The following DTNB variants were observed in gnomAD, a reference collection of about 807,000 sequenced individuals.
DTNB encodes the protein DTN-B.
DTNB carries 63 observed loss-of-function variants against 90.7 expected under a neutral mutation model. The observed-to-expected ratio is 0.69, with a 90% confidence interval of 0.57 to 0.86. DTNB has a LOEUF of 0.86. DTNB is among the 40% of genes least tolerant of loss of function. DTNB has a pLI of 0.00. For synonymous variants in DTNB, 277 were observed against 286.7 expected (o/e 0.97, Z 0.34); for missense variants, 744 against 807.1 (o/e 0.92, Z 0.95).
chr2:25,445,312 GT>G (rs2058229353), intron 12 of DTNB, among the ~76,000 whole-genome samples: 3 of 152,120 alleles, frequency 2.0e-5, no homozygotes, highest in African/African-American at 7.2e-5. Flanking sequence ...GCACTTTTCT[GT>G]TTCTTTCTCA....
intron 16 of DTNB, among the ~76,000 whole-genome samples, chr2:25,418,057 G>T (rs937311485): frequency 6.6e-6 from 1 of 152,170 alleles, no homozygotes; most frequent in African/African-American, 2.4e-5. Flanking sequence ...CTTTGCCCAT[G>T]TAAGTGTACC....
At chr2:25,665,006 T>C (rs2084085369) in intron 1 of DTNB, among the ~76,000 whole-genome samples, 1 of 152,198 alleles carries the variant, frequency 6.6e-6, no homozygotes, top group Non-Finnish European at 1.5e-5. Context: ...AGCAAAAAGT[T>C]TGGATCCTTG....
chr2:25,492,139 T>C (rs1215150166), intron 9 of DTNB, among the ~76,000 whole-genome samples: 2 of 152,180 alleles, frequency 1.3e-5, no homozygotes, highest in Admixed American at 6.5e-5. Context: ...GTTGTTTCTA[T>C]AGGAAGATAA....
At chr2:25,390,358 C>A (rs1252632927) in intron 16 of DTNB, among the ~76,000 whole-genome samples, 1 of 152,004 alleles carries the variant, frequency 6.6e-6, no homozygotes, top group Non-Finnish European at 1.5e-5. Flanking sequence ...AGAAAACACC[C>A]AAACCATGAT....
At chr2:25,521,783 G>A (rs771452711) in intron 9 of DTNB, among the ~76,000 whole-genome samples, 5 of 152,174 alleles carry the variant, frequency 3.3e-5, no homozygotes, top group Non-Finnish European at 7.3e-5. Flanking sequence ...AAATGTAAAG[G>A]TCTTGTTAGA....
intron 8 of DTNB, among the ~76,000 whole-genome samples, chr2:25,538,945 T>C (rs1198181090): frequency 6.6e-6 from 1 of 152,220 alleles, no homozygotes; most frequent in Non-Finnish European, 1.5e-5. Context: ...TTGACTTTAT[T>C]ATTTTAGCAA....
At chr2:25,404,338 G>A in intron 16 of DTNB, among the ~76,000 whole-genome samples, 1 of 152,228 alleles carries the variant, frequency 6.6e-6, no homozygotes, top group African/African-American at 2.4e-5. Context: ...AGAGTATCTC[G>A]ACGGGTACAA....
intron 4 of DTNB, among the ~76,000 whole-genome samples, chr2:25,625,544 C>A (rs1298922895): frequency 3.6e-5 from 5 of 138,258 alleles, no homozygotes; most frequent in African/African-American, 1.3e-4. Context: ...CTCTTCTTAA[C>A]TCACTCATTT....
At chr2:25,499,293 A>G (rs1575131139) in intron 9 of DTNB, among the ~76,000 whole-genome samples, 1 of 152,186 alleles carries the variant, frequency 6.6e-6, no homozygotes, top group African/African-American at 2.4e-5. Context: ...CAACTCTGAT[A>G]CTAAGTGGAT....
At chr2:25,399,842 C>T (rs571514237) in intron 16 of DTNB, among the ~76,000 whole-genome samples, 1 of 65,260 alleles carries the variant, frequency 1.5e-5, no homozygotes, top group African/African-American at 1.3e-4. Context: ...CTGTATTTTT[C>T]AGATATAAAA....
In DTNB at chr2:25,531,523, A is replaced by G. The variant is rs1432724054; in HGVS notation, c.951T>C (p.His317=). ...LGCVPTREPP[H]PVFPEQPEKP... ...TCTCTGGTTGCTCAGGAAAAACAGGATGCGGGGGTTCTCTCGTGGGTACAC... is the reference window on the plus strand; with the variant it reads ...TCTCTGGTTGCTCAGGAAAAACAGGGTGCGGGGGTTCTCTCGTGGGTACAC... Residue 317 remains histidine, a synonymous_variant, in exon 9 of 21, where the codon CAT becomes CAC. Transcript: ENST00000406818. 1 of 1,613,848 alleles carries G rather than the reference A, an allele frequency of 6.2e-7. No individual in the cohort carries two copies. Among genetic ancestry groups the G allele is most frequent in the African/African-American group, 1.3e-5 (1 of 74,918 alleles).
chr2:25,531,369 G>C (rs970756941), intron 9 of DTNB, 104 bp downstream of exon 9: 21 of 1,476,362 alleles, frequency 1.4e-5, no homozygotes, highest in Non-Finnish European at 1.9e-5. Flanking sequence ...AAAAACCTGA[G>C]AAGTTGAATG....
At chr2:25,414,620 G>A (rs1380171098) in intron 16 of DTNB, among the ~76,000 whole-genome samples, 1 of 152,062 alleles carries the variant, frequency 6.6e-6, no homozygotes, top group Non-Finnish European at 1.5e-5. Context: ...GGAGTGCCTT[G>A]AGCAAAATCA....
intron 3 of DTNB, among the ~76,000 whole-genome samples, chr2:25,633,268 A>AT (rs2076165695): frequency 6.9e-6 from 1 of 144,946 alleles, no homozygotes; most frequent in South Asian, 2.4e-4. Context: ...TCCCTGCCTG[A>AT]TTCTCCTGCC....
At chr2:25,589,442 G>C (rs2063136430) in intron 6 of DTNB, among the ~76,000 whole-genome samples, 1 of 127,250 alleles carries the variant, frequency 7.9e-6, no homozygotes. Context: ...GTGCTGTGGT[G>C]CCATCTCGGC....
intron 15 of DTNB, among the ~76,000 whole-genome samples, chr2:25,427,195 AC>A (rs2052031116): frequency 6.6e-6 from 1 of 151,118 alleles, no homozygotes; most frequent in Non-Finnish European, 1.5e-5. Flanking sequence ...ACACACACAC[AC>A]ACACACACAC....
intron 5 of DTNB, chr2:25,596,450 A>C (rs2064663634): frequency 2.7e-6 from 1 of 368,306 alleles, no homozygotes; most frequent in Non-Finnish European, 4.7e-6. Flanking sequence ...CACTCACTTA[A>C]TATTCTACTT....
chr2:25,405,379 A>G (rs1385736225), intron 16 of DTNB, among the ~76,000 whole-genome samples: 1 of 152,084 alleles, frequency 6.6e-6, no homozygotes, highest in Non-Finnish European at 1.5e-5. Flanking sequence ...CGTCTCTACT[A>G]AAAATACAAA....
chr2:25,382,490 T>C (rs1001174074), intron 19 of DTNB, among the ~76,000 whole-genome samples: 1 of 150,634 alleles, frequency 6.6e-6, no homozygotes, highest in Non-Finnish European at 1.5e-5. Flanking sequence ...GAGCACGAAG[T>C]TTGGAGTCAG....
Sources: allele counts gnomAD v4.1 joint callset (sites outside exome capture counted in the v4.1 genomes callset), GRCh38; gene constraint gnomAD v4.1.1; transcripts MANE v1.5; gene names NCBI Gene and HGNC (gene_info 2026-07-23, HGNC 2026-07-21).